MAPK14: variants seen among roughly 807,000 people sequenced by gnomAD.
The protein encoded by MAPK14 is mitogen-activated protein kinase 14, also known as CSAID-binding protein.
Under a neutral mutation model 49.6 loss-of-function variants are expected in MAPK14, and 16 were observed. The observed-to-expected ratio is 0.32, with a 90% CI of 0.22 to 0.49. MAPK14 has a LOEUF of 0.49. Ranked by LOEUF, MAPK14 falls within the 20% of genes least tolerant of loss-of-function variation. The pLI is 0.99. For missense variants in MAPK14, 200 were observed against 441.2 expected (o/e 0.45, Z 4.90); for synonymous variants, 142 against 158.0 (o/e 0.90, Z 0.76).
intron 1 of MAPK14, among the ~76,000 whole-genome samples, chr6:36,045,101 C>T (rs1370427129): frequency 6.6e-6 from 1 of 151,894 alleles, no homozygotes; most frequent in African/African-American, 2.4e-5. Flanking sequence ...TGACTCCACT[C>T]CAGCCTGGAT....
intron 8 of MAPK14, among the ~76,000 whole-genome samples, chr6:36,080,300 T>G (rs888251056): frequency 3.3e-5 from 5 of 152,168 alleles, no homozygotes; most frequent in Non-Finnish European, 5.9e-5. Context: ...GTACAATCAC[T>G]ACTACTACCT....
At chr6:36,099,488 G>A (rs1178303594) in intron 9 of MAPK14, among the ~76,000 whole-genome samples, 3 of 152,314 alleles carry the variant, frequency 2.0e-5, no homozygotes, top group African/African-American at 4.8e-5. Flanking sequence ...TAGTCTGTTC[G>A]CTAGTTGAAG....
At chr6:36,123,742 C>T in the MAPK14 span, among the ~76,000 whole-genome samples, 59 of 152,292 alleles carry the variant, frequency 3.9e-4, no homozygotes, top group Admixed American at 7.8e-4. Flanking sequence ...TAATATTATG[C>T]TGAATGCTAC....
rs774110483 is a variant in MAPK14 at position 36,091,744 on chromosome 6, TTG to T, written c.683-4237_683-4236del. On this transcript the variant is annotated intron_variant, in intron 8 of 11. Coordinates refer to ENST00000229794, the MANE Select transcript of MAPK14 (RefSeq NM_139012.3). Reference sequence around the variant, plus strand: ...TAGTTACTAAGATTTTTATTTTATGTTGTGTGTTTTTCCATGGAGTATGGTCA... The same window carrying T: ...TAGTTACTAAGATTTTTATTTTATGTTGTGTTTTTCCATGGAGTATGGTCA... Among the ~76,000 whole-genome samples, 49 of 152,316 alleles carry T rather than the reference TTG, an allele frequency of 3.2e-4. No individual in the cohort carries two copies. In the East Asian group the frequency reaches 4.6e-3, roughly 14 times the overall value.
At chr6:36,067,138 A>C (rs192555641) in intron 3 of MAPK14, among the ~76,000 whole-genome samples, 212 of 152,286 alleles carry the variant, frequency 1.4e-3, no homozygotes, top group African/African-American at 4.3e-3. Flanking sequence ...AATAAGTTAC[A>C]TATCTCTTAA....
At chr6:36,097,263 A>G (rs1337758206) in intron 9 of MAPK14, 1 of 152,284 alleles carries the variant, frequency 6.6e-6, no homozygotes, top group Non-Finnish European at 1.5e-5. Context: ...TTTCCATGTC[A>G]TGCACTGAAT....
Position 36,100,561 on chromosome 6 carries a change from G to A in MAPK14, c.763-2010G>A, listed in dbSNP as rs142650315. The stretch of plus-strand genomic sequence containing the variant: ...TAGGTGCTCTGCCTGTAGCTAGGGT[G>A]TGCTACTATCGTGACCTTTATCAGA... On this transcript the variant is annotated intron_variant, in intron 9 of 11. Coordinates refer to ENST00000229794, the MANE Select transcript of MAPK14 (RefSeq NM_139012.3). 6.0e-4 allele frequency among the ~76,000 whole-genome samples: 91 copies of A among 152,280 alleles called. 1 individual carries two copies. The highest frequency in any genetic ancestry group is 2.1e-3 in the African/African-American group (88 of 41,564).
intron 3 of MAPK14, among the ~76,000 whole-genome samples, chr6:36,062,219 G>A (rs377282592): frequency 2.6e-5 from 4 of 151,916 alleles, no homozygotes; most frequent in Non-Finnish European, 4.4e-5. Flanking sequence ...TCAGGTGGTC[G>A]CCCTCCTAGG....
chr6:36,093,438 A>G (rs1765319164), intron 8 of MAPK14, among the ~76,000 whole-genome samples: 1 of 152,128 alleles, frequency 6.6e-6, no homozygotes, highest in Admixed American at 6.5e-5. Flanking sequence ...ATTGACTCTC[A>G]GCCAGGCACG....
chr6:36,072,265 G>A (rs1214868802), intron 3 of MAPK14, among the ~76,000 whole-genome samples: 1 of 152,014 alleles, frequency 6.6e-6, no homozygotes, highest in African/African-American at 2.4e-5. Context: ...TTGAGCCCAG[G>A]AGTTTGAGGT....
At chr6:36,088,867 A>G (rs1413236315) in intron 8 of MAPK14, among the ~76,000 whole-genome samples, 1 of 152,262 alleles carries the variant, frequency 6.6e-6, no homozygotes, top group Admixed American at 6.5e-5. Context: ...ATACTGTCTC[A>G]TGCTAGTCAG....
chr6:36,108,266 A>G, intron 11 of MAPK14, 114 bp from the exon 12 acceptor site: 1 of 773,172 alleles, frequency 1.3e-6, no homozygotes, highest in Non-Finnish European at 2.3e-6. Flanking sequence ...GAGGTAGCCC[A>G]TCAAACCACT....
Position 36,028,133 on chromosome 6 carries a change from C to A in MAPK14, c.-25C>A. On this transcript the variant is annotated 5_prime_UTR_variant, in exon 1 of 12. Coordinates refer to ENST00000229794, the MANE Select transcript of MAPK14 (RefSeq NM_139012.3). The surrounding 1 kb of genome is among the most constrained non-coding windows in gnomAD (Gnocchi z 5.1). Reference sequence around the variant, plus strand: ...GGCGGGGGCCCCACAGGGCCACCTTCTTGCCCGGCGGCTGCCGCTGGAAAA... The same window carrying A: ...GGCGGGGGCCCCACAGGGCCACCTTATTGCCCGGCGGCTGCCGCTGGAAAA... 1 of 1,571,270 alleles carries A rather than the reference C, an allele frequency of 6.4e-7. No homozygotes were observed. Among genetic ancestry groups the A allele is most frequent in the Non-Finnish European group, 8.7e-7 (1 of 1,143,378 alleles).
At chr6:36,046,761 G>C (rs546213448) in intron 1 of MAPK14, among the ~76,000 whole-genome samples, 25 of 152,310 alleles carry the variant, frequency 1.6e-4, no homozygotes, top group African/African-American at 6.0e-4. Flanking sequence ...GTCAAATAGA[G>C]ATAAAAATAT....
At chr6:36,072,481 G>A (rs1764341567) in intron 3 of MAPK14, among the ~76,000 whole-genome samples, 1 of 151,940 alleles carries the variant, frequency 6.6e-6, no homozygotes, top group African/African-American at 2.4e-5. Context: ...AAACTTAGAA[G>A]TCGGGCCAGG....
chr6:36,074,578 T>C (rs1052104773), intron 6 of MAPK14, among the ~76,000 whole-genome samples: 1 of 152,160 alleles, frequency 6.6e-6, no homozygotes, highest in Non-Finnish European at 1.5e-5. Context: ...CAAAATTATA[T>C]ATCCACTTAA....
the MAPK14 span, among the ~76,000 whole-genome samples, chr6:36,119,687 C>G: frequency 1.3e-5 from 2 of 152,160 alleles, 1 homozygote; most frequent in Admixed American, 1.3e-4. Context: ...TTTTAGTTGT[C>G]ACACTTGGAG....
At chr6:36,063,421 C>G (rs1481550444) in intron 3 of MAPK14, among the ~76,000 whole-genome samples, 1 of 152,120 alleles carries the variant, frequency 6.6e-6, no homozygotes, top group Non-Finnish European at 1.5e-5. Context: ...AACCCCTTCT[C>G]TACAAAAAAA....
intron 8 of MAPK14, 37 bp downstream of exon 8, chr6:36,076,645 C>T: frequency 2.6e-6 from 4 of 1,514,874 alleles, no homozygotes; most frequent in Non-Finnish European, 3.7e-6. Context: ...TGTTTCTTAT[C>T]TGTATTCCAG....
Sources: allele counts gnomAD v4.1 joint callset (sites outside exome capture counted in the v4.1 genomes callset), GRCh38; gene constraint gnomAD v4.1.1; non-coding constraint Gnocchi (gnomAD v3.1); transcripts MANE v1.5; gene names NCBI Gene and HGNC (gene_info 2026-07-23, HGNC 2026-07-21).